XIRP2: variants seen among roughly 807,000 people sequenced by gnomAD.
XIRP2 encodes xin actin-binding repeat-containing protein 2.
A neutral mutation model predicts 277.0 loss-of-function variants in XIRP2; 236 were observed. That is an observed-to-expected ratio of 0.85 (90% CI 0.77 to 0.95). XIRP2 has a LOEUF of 0.95. Ranked by LOEUF, XIRP2 falls within the 40% of genes least tolerant of loss-of-function variation. The pLI is 0.00. For missense variants in XIRP2, 4,640 were observed against 4,157.5 expected (o/e 1.12, Z -3.19); for synonymous variants, 1,490 against 1,416.5 (o/e 1.05, Z -1.17).
intron 3 of XIRP2, among the ~76,000 whole-genome samples, chr2:167,153,514 C>T (rs974616874): frequency 2.6e-5 from 4 of 151,894 alleles, no homozygotes; most frequent in Non-Finnish European, 1.5e-5. Context: ...TCCATTAACT[C>T]GTCATTTAGC....
intron 3 of XIRP2, among the ~76,000 whole-genome samples, chr2:167,175,379 T>C (rs1291646707): frequency 3.9e-5 from 6 of 152,198 alleles, no homozygotes; most frequent in Non-Finnish European, 8.8e-5. Flanking sequence ...GTTTTCCTTC[T>C]AACAGTCAGG....
intron 2 of XIRP2, among the ~76,000 whole-genome samples, chr2:167,020,413 C>G (rs1468671980): frequency 6.6e-6 from 1 of 151,936 alleles, no homozygotes; most frequent in Non-Finnish European, 1.5e-5. Flanking sequence ...CAACAAACAC[C>G]ACAGATCATT....
Position 167,246,733 on chromosome 2 carries a change from A to G in XIRP2, c.5341A>G (p.Ile1781Val), listed in dbSNP as rs1240318097. ...AKKQEGEKEI[I>V]GGDVEGTKLL... ...GAAACAAGAAGGAGAGAAAGAAATCATTGGTGGTGATGTTGAAGGTACAAA... is the reference window on the plus strand; with the variant it reads ...GAAACAAGAAGGAGAGAAAGAAATCGTTGGTGGTGATGTTGAAGGTACAAA... Residue 1781 changes from isoleucine to valine, a missense_variant, in exon 9 of 11, where the codon ATT becomes GTT. Physicochemically the swap from Ile to Val is conservative, Grantham distance 29 (BLOSUM62 3). Transcript: ENST00000409195. 6.2e-7 allele frequency: 1 copy of G among 1,613,784 alleles called. No homozygotes were observed.
At chr2:167,086,002 T>G (rs1381684609) in intron 2 of XIRP2, among the ~76,000 whole-genome samples, 4 of 152,110 alleles carry the variant, frequency 2.6e-5, no homozygotes, top group Non-Finnish European at 5.9e-5. Context: ...TAGCTGGTTA[T>G]TTTGCTCGTT....
At chr2:166,936,336 C>T (rs1685500609) in intron 2 of XIRP2, among the ~76,000 whole-genome samples, 1 of 152,108 alleles carries the variant, frequency 6.6e-6, no homozygotes, top group South Asian at 2.1e-4. Flanking sequence ...GAGTAGATTG[C>T]AAAAATTTTC....
Position 166,903,880 on chromosome 2 carries a change from AC to A in XIRP2, c.399del (p.Tyr133Ter), listed in dbSNP as rs1296319221. ...AAGAGTGGAAACAAACCAGCTGAGT[AC>A]GGTGGAAAGGTAAGGAGCCATTGAT... ...APKSGNKPAE[Y>X]GGKEVEIERS... is the part of the protein sequence containing the mutation. On this transcript the variant is annotated frameshift_variant, in exon 2 of 11. Transcript: ENST00000409195. LOFTEE classifies it high-confidence loss of function. 1 of 1,612,454 alleles carries A rather than the reference AC, an allele frequency of 6.2e-7. No homozygotes were observed. The highest frequency in any genetic ancestry group is 8.5e-7 in the Non-Finnish European group (1 of 1,178,936).
intron 2 of XIRP2, among the ~76,000 whole-genome samples, chr2:167,051,745 C>G (rs576332315): frequency 6.6e-6 from 1 of 151,934 alleles, no homozygotes; most frequent in Non-Finnish European, 1.5e-5. Context: ...TATATACAGA[C>G]AAAGATATTC....
chr2:167,121,205 T>C (rs1379028863), intron 2 of XIRP2, among the ~76,000 whole-genome samples: 1 of 152,216 alleles, frequency 6.6e-6, no homozygotes, highest in Non-Finnish European at 1.5e-5. Context: ...CAGAACTTTA[T>C]GCTCCTGAAA....
At chr2:167,028,645 A>G (rs1396417518) in intron 2 of XIRP2, among the ~76,000 whole-genome samples, 3 of 152,038 alleles carry the variant, frequency 2.0e-5, no homozygotes, top group Non-Finnish European at 4.4e-5. Context: ...CTAACTCTTC[A>G]ATGTCTAGAC....
At chr2:167,044,240 C>T (rs560732232) in intron 2 of XIRP2, among the ~76,000 whole-genome samples, 7 of 152,144 alleles carry the variant, frequency 4.6e-5, no homozygotes, top group African/African-American at 1.4e-4. Flanking sequence ...ATGTTAAGAA[C>T]TCTCCACAAA....
intron 2 of XIRP2, among the ~76,000 whole-genome samples, chr2:167,008,690 A>G (rs373128914): frequency 6.6e-6 from 1 of 151,724 alleles, no homozygotes; most frequent in South Asian, 2.1e-4. Flanking sequence ...GAAAACATAA[A>G]CTGCTTTAAA....
intron 3 of XIRP2, among the ~76,000 whole-genome samples, chr2:167,156,907 G>T (rs1002070805): frequency 6.6e-6 from 1 of 152,100 alleles, no homozygotes; most frequent in Non-Finnish European, 1.5e-5. Flanking sequence ...AAACTTCAAG[G>T]ATAGTTCAGT....
intron 2 of XIRP2, among the ~76,000 whole-genome samples, chr2:167,002,910 T>C (rs1161653621): frequency 6.6e-6 from 1 of 151,976 alleles, no homozygotes; most frequent in East Asian, 1.9e-4. Context: ...TATTTGATGC[T>C]TGGATTGTCA....
At chr2:167,239,508 A>AT (rs2105428144) in intron 5 of XIRP2, among the ~76,000 whole-genome samples, 1 of 152,330 alleles carries the variant, frequency 6.6e-6, no homozygotes, top group East Asian at 1.9e-4. Context: ...TCTCAGTCTG[A>AT]TAGAGGCAAG....
At chr2:166,949,275 A>G (rs977255860) in intron 2 of XIRP2, among the ~76,000 whole-genome samples, 6 of 151,980 alleles carry the variant, frequency 3.9e-5, no homozygotes, top group African/African-American at 1.4e-4. Context: ...TTCAAATAAG[A>G]CCTCTTTCCC....
At chr2:166,937,217 G>T (rs1405811017) in intron 2 of XIRP2, among the ~76,000 whole-genome samples, 1 of 152,140 alleles carries the variant, frequency 6.6e-6, no homozygotes, top group Non-Finnish European at 1.5e-5. Context: ...TATGATATTG[G>T]CTGTGGGTTT....
intron 2 of XIRP2, among the ~76,000 whole-genome samples, chr2:167,004,696 G>A (rs1687461524): frequency 6.6e-6 from 1 of 151,840 alleles, no homozygotes; most frequent in South Asian, 2.1e-4. Context: ...CATGGACAAG[G>A]TGAGATTGTG....
At position 167,244,116 on chromosome 2, in the gene XIRP2, T is replaced by A; in HGVS notation, c.2724T>A (p.Asp908Glu). Reference sequence around the variant, plus strand: ...CTGCCTCTGAAGAAGAAAAAGGGGATGTTAGGCATCAAAAATGGATTTTTG... The same window carrying A: ...CTGCCTCTGAAGAAGAAAAAGGGGAAGTTAGGCATCAAAAATGGATTTTTG... Reference protein sequence around the residue: ...KITASEEEKGDVRHQKWIFET... With the variant: ...KITASEEEKGEVRHQKWIFET... Residue 908 changes from aspartate (D) to glutamate (E), a missense_variant, in exon 9 of 11, where the codon GAT becomes GAA. By Grantham distance (45) the Asp-to-Glu change is conservative. Coordinates refer to ENST00000409195, the MANE Select transcript of XIRP2 (RefSeq NM_152381.6). The A allele has an allele frequency of 6.2e-7, 1 of 1,613,962 alleles. No homozygotes were observed. Among genetic ancestry groups the A allele is most frequent in the Non-Finnish European group, 8.5e-7 (1 of 1,179,928 alleles).
chr2:166,935,318 A>G (rs1685462452), intron 2 of XIRP2, among the ~76,000 whole-genome samples: 1 of 152,226 alleles, frequency 6.6e-6, no homozygotes, highest in Non-Finnish European at 1.5e-5. Context: ...AACCATATAA[A>G]AGAGACTAAT....
Sources: allele counts gnomAD v4.1 joint callset (sites outside exome capture counted in the v4.1 genomes callset), GRCh38; gene constraint gnomAD v4.1.1; transcripts MANE v1.5; gene names NCBI Gene and HGNC (gene_info 2026-07-23, HGNC 2026-07-21).